DDX10: variants seen among roughly 807,000 people sequenced by gnomAD.
DDX10 encodes the protein probable ATP-dependent RNA helicase DDX10.
In DDX10, 74 loss-of-function variants were observed where a neutral mutation model predicts 104.3. That is an observed-to-expected ratio of 0.71 (90% CI 0.59 to 0.86). The LOEUF is 0.86. Ranked by LOEUF, DDX10 falls within the 40% of genes least tolerant of loss-of-function variation. The pLI, the probability that DDX10 is intolerant of heterozygous loss-of-function variation, is 0.00. For synonymous variants in DDX10, 351 were observed against 353.4 expected, an observed-to-expected ratio of 0.99 and a Z score of 0.08; for missense variants, 952 against 1,040.0, an observed-to-expected ratio of 0.92 and a Z score of 1.16.
At chr11:108,923,433 T>G (rs1863861699) in intron 17 of DDX10, among the ~76,000 whole-genome samples, 1 of 152,072 alleles carries the variant, frequency 6.6e-6, no homozygotes, top group African/African-American at 2.4e-5. Context: ...AGGAATAGAG[T>G]AAGAATCTTC....
intron 15 of DDX10, among the ~76,000 whole-genome samples, chr11:108,849,149 T>G (rs888106364): frequency 6.6e-6 from 1 of 152,134 alleles, no homozygotes; most frequent in Non-Finnish European, 1.5e-5. Context: ...TTACTGGAAT[T>G]TTGTTCTTGG....
At chr11:108,911,589 A>G (rs1863680787) in intron 16 of DDX10, among the ~76,000 whole-genome samples, 1 of 70,896 alleles carries the variant, frequency 1.4e-5, no homozygotes, top group African/African-American at 5.5e-5. Flanking sequence ...TTTTTTTTTG[A>G]GACAGGACCT....
At chr11:108,712,907 T>A (rs2094286412) in intron 10 of DDX10, among the ~76,000 whole-genome samples, 2 of 152,160 alleles carry the variant, frequency 1.3e-5, no homozygotes, top group African/African-American at 4.8e-5. Flanking sequence ...AGTGTTTCTC[T>A]TTCACTTTTG....
At chr11:108,773,231 T>G (rs973246404) in intron 13 of DDX10, among the ~76,000 whole-genome samples, 3 of 152,250 alleles carry the variant, frequency 2.0e-5, no homozygotes, top group African/African-American at 7.2e-5. Context: ...GAATGGTTTC[T>G]CTCATCATTT....
chr11:108,937,731 T>C (rs943948397), intron 17 of DDX10, among the ~76,000 whole-genome samples: 2 of 152,200 alleles, frequency 1.3e-5, no homozygotes, highest in East Asian at 3.8e-4. Context: ...ATAAAGTCTT[T>C]ATTATTTGGT....
intron 16 of DDX10, among the ~76,000 whole-genome samples, chr11:108,867,310 G>T (rs948880197): frequency 1.3e-5 from 2 of 152,184 alleles, no homozygotes; most frequent in African/African-American, 2.4e-5. Context: ...TATGTACCCA[G>T]CTCATGTTTA....
intron 16 of DDX10, chr11:108,860,727 G>A (rs1388581456): frequency 6.6e-6 from 1 of 152,104 alleles, no homozygotes; most frequent in Non-Finnish European, 1.5e-5. Context: ...TCTATTTTTA[G>A]TAGAGACAGA....
chr11:108,829,696 C>T (rs550821232), intron 13 of DDX10, among the ~76,000 whole-genome samples: 6 of 152,204 alleles, frequency 3.9e-5, no homozygotes, highest in Non-Finnish European at 8.8e-5. Flanking sequence ...ATGTTATCTT[C>T]TAGAATCTTT....
chr11:108,810,328 G>A (rs752522343), intron 13 of DDX10, among the ~76,000 whole-genome samples: 12 of 152,160 alleles, frequency 7.9e-5, no homozygotes, highest in Non-Finnish European at 1.3e-4. Flanking sequence ...AGTTTTTACA[G>A]TATTCCTTTC....
intron 16 of DDX10, among the ~76,000 whole-genome samples, chr11:108,865,379 C>A (rs1311603742): frequency 6.6e-6 from 1 of 152,120 alleles, no homozygotes; most frequent in Non-Finnish European, 1.5e-5. Flanking sequence ...AGCCGATGAA[C>A]TATTATCTGT....
chr11:108,881,642 T>C (rs1863228493), intron 16 of DDX10, among the ~76,000 whole-genome samples: 1 of 152,190 alleles, frequency 6.6e-6, no homozygotes, highest in Admixed American at 6.5e-5. Context: ...CAACACTCTA[T>C]TATAAAATAG....
chr11:108,733,242 A>G (rs2094314435), intron 13 of DDX10, among the ~76,000 whole-genome samples: 1 of 152,112 alleles, frequency 6.6e-6, no homozygotes, highest in Admixed American at 6.5e-5. Context: ...TTCCAAATCA[A>G]GATTCTCCTA....
At chr11:108,935,393 C>T (rs530574616) in intron 17 of DDX10, among the ~76,000 whole-genome samples, 1 of 152,194 alleles carries the variant, frequency 6.6e-6, no homozygotes, top group South Asian at 2.1e-4. Context: ...TCATGAGACT[C>T]TTTAAAGATT....
intron 16 of DDX10, among the ~76,000 whole-genome samples, chr11:108,908,058 A>G (rs1423093070): frequency 6.6e-6 from 1 of 152,184 alleles, no homozygotes; most frequent in Non-Finnish European, 1.5e-5. Flanking sequence ...ACTTTCAGTA[A>G]TGCATTTAAT....
chr11:108,800,863 T>C (rs1308887000), intron 13 of DDX10, among the ~76,000 whole-genome samples: 3 of 152,264 alleles, frequency 2.0e-5, no homozygotes, highest in Non-Finnish European at 4.4e-5. Context: ...GATCTACAAA[T>C]GATTGCTTGC....
At chr11:108,698,059 G>A (rs551117593) in intron 9 of DDX10, among the ~76,000 whole-genome samples, 11 of 152,248 alleles carry the variant, frequency 7.2e-5, no homozygotes, top group African/African-American at 2.4e-4. Context: ...ATTCCACTAG[G>A]GGACAGCAGA....
intron 13 of DDX10, among the ~76,000 whole-genome samples, chr11:108,778,810 A>G (rs1192058104): frequency 2.0e-5 from 3 of 152,240 alleles, no homozygotes; most frequent in Non-Finnish European, 4.4e-5. Flanking sequence ...CAAAGGGCTA[A>G]TATCCAGAAT....
At position 108,838,549 on chromosome 11, in the gene DDX10, T is replaced by A; in HGVS notation, c.2069T>A (p.Phe690Tyr). 6.2e-7 allele frequency: 1 copy of A among 1,610,632 alleles called. No homozygotes were observed. Among genetic ancestry groups the A allele is most frequent in the Non-Finnish European group, 8.5e-7 (1 of 1,178,608 alleles). The change falls in exon 14 of 18, where the codon TTT (phenylalanine) becomes TAT (tyrosine). Residue 690 changes from phenylalanine (F) to tyrosine (Y), a missense_variant. Physicochemically the swap from Phe to Tyr is conservative, Grantham distance 22. This residue lies in a region of DDX10 where 533 missense variants were observed against 534.1 expected (regional missense o/e 1.00). Transcript: ENST00000322536. ...TTTAAAGTGAATAAGAAGATAACAT[T>A]TACTGATGAAGGGGAGGTAAGATTC... ...RNFKVNKKIT[F>Y]TDEGELVQQW...
chr11:108,922,875 CAG>C (rs1416338319), intron 17 of DDX10, among the ~76,000 whole-genome samples: 4 of 152,210 alleles, frequency 2.6e-5, no homozygotes, highest in Non-Finnish European at 4.4e-5. Context: ...AGCTGTGAAA[CAG>C]GGGACCAGCT....
Sources: allele counts gnomAD v4.1 joint callset (sites outside exome capture counted in the v4.1 genomes callset), GRCh38; gene constraint gnomAD v4.1.1; regional missense constraint gnomAD v4.1.1; transcripts MANE v1.5; gene names NCBI Gene and HGNC (gene_info 2026-07-23, HGNC 2026-07-21).